The following LARP4B variants were observed in gnomAD, a reference collection of about 807,000 sequenced individuals.
The protein encoded by LARP4B is la-related protein 4B.
Under a neutral mutation model 89.8 loss-of-function variants are expected in LARP4B, and 12 were observed. The ratio of observed to expected loss-of-function variants is 0.13; its 90% CI spans 0.09 to 0.22. The LOEUF (loss-of-function observed/expected upper bound fraction) is 0.22, where lower values mean the gene tolerates loss of function less well. LARP4B is among the 10% of genes least tolerant of loss of function. LARP4B has a pLI of 1.00. For synonymous variants in LARP4B, 367 were observed against 363.3 expected (o/e 1.01, Z -0.12); for missense variants, 757 against 947.7 (o/e 0.80, Z 2.64).
At chr10:945,056 A>G in the LARP4B span, among the ~76,000 whole-genome samples, 3 of 152,214 alleles carry the variant, frequency 2.0e-5, no homozygotes, top group Non-Finnish European at 4.4e-5. Context: ...CCACGTTTAT[A>G]ATTCATATTT....
chr10:940,680 A>G, the LARP4B span, among the ~76,000 whole-genome samples: 1 of 152,242 alleles, frequency 6.6e-6, no homozygotes, highest in Admixed American at 6.5e-5. Context: ...GGGGTACATA[A>G]GAAAGAGACA....
chr10:916,282 G>A (rs1836820545), intron 1 of LARP4B, among the ~76,000 whole-genome samples: 5 of 152,084 alleles, frequency 3.3e-5, no homozygotes, highest in African/African-American at 1.2e-4. Context: ...AAGTCTTTTG[G>A]CATCCACAGA....
At chr10:826,560 A>T (rs1832634834) in intron 11 of LARP4B, among the ~76,000 whole-genome samples, 1 of 152,240 alleles carries the variant, frequency 6.6e-6, no homozygotes, top group Non-Finnish European at 1.5e-5. Flanking sequence ...ACACATACAA[A>T]AATAAGATAA....
the LARP4B span, among the ~76,000 whole-genome samples, chr10:938,407 C>T: frequency 2.0e-5 from 3 of 152,036 alleles, no homozygotes; most frequent in Admixed American, 6.6e-5. Flanking sequence ...CCCAACACCA[C>T]GCCCGGCTAA....
rs375099211 is a variant in LARP4B, at chr10:912,047, C to T, written c.-40+19381G>A. Among the ~76,000 whole-genome samples, 295 of 152,352 alleles carry T rather than the reference C, an allele frequency of 1.9e-3. 1 individual carries two copies. Among genetic ancestry groups the T allele is most frequent in the African/African-American group, 6.7e-3 (277 of 41,592 alleles). On this transcript the variant is annotated intron_variant, in intron 1 of 17. Coordinates refer to ENST00000316157, the MANE Select transcript of LARP4B (RefSeq NM_015155.3). ...TGGTCACAGTGGGCTGACTGGGCCA[C>T]TCACCAACCTTGAGGGAATGTCCTT...
chr10:912,955 T>C (rs1321907076), intron 1 of LARP4B, among the ~76,000 whole-genome samples: 1 of 152,236 alleles, frequency 6.6e-6, no homozygotes, highest in Admixed American at 6.5e-5. Context: ...GGCATCTCCC[T>C]TCCTGCACTC....
At chr10:959,047 G>A in the LARP4B span, among the ~76,000 whole-genome samples, 4 of 152,176 alleles carry the variant, frequency 2.6e-5, no homozygotes, top group African/African-American at 7.2e-5. Flanking sequence ...ACAGGCAACG[G>A]CCCTGGGCTG....
chr10:956,581 G>A, the LARP4B span, among the ~76,000 whole-genome samples: 24 of 152,082 alleles, frequency 1.6e-4, no homozygotes, highest in Admixed American at 7.9e-4. This position sits in a 1 kb window ranked among gnomAD's most constrained non-coding sequence, Gnocchi z 4.3. Context: ...TCCTGACCTC[G>A]TGATCCGCCC....
chr10:880,512 C>G (rs1198393574), intron 3 of LARP4B, among the ~76,000 whole-genome samples: 3 of 151,998 alleles, frequency 2.0e-5, no homozygotes, highest in Admixed American at 6.6e-5. Flanking sequence ...ATGGCGAAAC[C>G]CCATCTCTAC....
intron 13 of LARP4B, 55 bp from the exon 14 acceptor site, chr10:820,900 T>C (rs1832319751): frequency 6.6e-7 from 1 of 1,514,824 alleles, no homozygotes; most frequent in Non-Finnish European, 9.1e-7. Flanking sequence ...GAGAATTTAT[T>C]ATTGAGCACG....
chr10:979,644 T>G, the LARP4B span, among the ~76,000 whole-genome samples: 1 of 152,190 alleles, frequency 6.6e-6, no homozygotes, highest in Non-Finnish European at 1.5e-5. Context: ...TGTCATCCTT[T>G]GTTGGTTCTT....
chr10:936,968 ATAG>A, the LARP4B span, among the ~76,000 whole-genome samples: 7 of 152,374 alleles, frequency 4.6e-5, no homozygotes, highest in South Asian at 2.1e-4. Context: ...TAAGTAAAAA[ATAG>A]TAGCATTGAG....
At position 827,809 on chromosome 10, in the gene LARP4B, C is replaced by G. The variant is rs1312112176; in HGVS notation, c.1125+1576G>C. 2.6e-5 allele frequency among the ~76,000 whole-genome samples: 4 copies of G among 152,244 alleles called. No homozygotes were observed. In the East Asian group the frequency reaches 7.7e-4, roughly 29 times the overall value. ...ACCCAGAGCCTACGGACTCAAGTCT[C>G]TCTGAGGTTCTCTCATGATATGCTT... On this transcript the variant is annotated intron_variant, in intron 11 of 17. Coordinates refer to ENST00000316157, the MANE Select transcript of LARP4B (RefSeq NM_015155.3).
Position 931,689 on chromosome 10 carries a change from A to G in LARP4B, c.-301T>C, listed in dbSNP as rs746887953. 4 of 151,656 alleles carry G rather than the reference A, an allele frequency of 2.6e-5. No homozygotes were observed. The highest frequency in any genetic ancestry group is 5.9e-5 in the Non-Finnish European group (4 of 67,730). 9.4% of individuals were successfully genotyped at this position (151,656 alleles called of 1,614,324 possible). A position where few individuals can be genotyped will look rare whatever the true frequency, so the allele number is the denominator to read the frequency against. ...ATCCCCAACGCTCCTTCCCGTTCGC[A>G]TGAGAACACACAGCTCCCACTTCCG... On this transcript the variant is annotated 5_prime_UTR_variant, in exon 1 of 18. It removes an upstream start codon present in the reference 5' UTR. Coordinates refer to ENST00000316157, the MANE Select transcript of LARP4B (RefSeq NM_015155.3).
chr10:949,589 C>A, the LARP4B span, among the ~76,000 whole-genome samples: 2 of 151,866 alleles, frequency 1.3e-5, no homozygotes, highest in Non-Finnish European at 2.9e-5. Context: ...CTGCTCTCCC[C>A]GTCCTCACCC....
chr10:827,741 A>C (rs1443622997), intron 11 of LARP4B, among the ~76,000 whole-genome samples: 1 of 152,140 alleles, frequency 6.6e-6, no homozygotes, highest in Admixed American at 6.5e-5. Context: ...GAAGAACTGA[A>C]AGGACTAGCA....
intron 1 of LARP4B, among the ~76,000 whole-genome samples, chr10:923,043 C>T (rs958354424): frequency 6.6e-6 from 1 of 151,976 alleles, no homozygotes; most frequent in Non-Finnish European, 1.5e-5. Context: ...CCACTGCACT[C>T]CAGCCTGGGA....
At chr10:846,621 A>T (rs757370169) in intron 5 of LARP4B, among the ~76,000 whole-genome samples, 1 of 152,174 alleles carries the variant, frequency 6.6e-6, no homozygotes, top group African/African-American at 2.4e-5. Context: ...ATCAAGGAGG[A>T]CGTTAAAGTA....
intron 1 of LARP4B, among the ~76,000 whole-genome samples, chr10:909,109 A>G (rs1257193035): frequency 6.6e-6 from 1 of 152,032 alleles, no homozygotes; most frequent in Non-Finnish European, 1.5e-5. Flanking sequence ...CCTGGCTAAC[A>G]CGGTGAAACC....
Sources: gnomAD v4.1 joint callset for allele counts (sites outside exome capture counted in the v4.1 genomes callset) on GRCh38, gnomAD v4.1.1 for gene constraint, Gnocchi (gnomAD v3.1) non-coding constraint, MANE v1.5 for transcripts, NCBI Gene and HGNC (gene_info 2026-07-23, HGNC 2026-07-21) for gene names.